The following DMRT1 variants were observed in gnomAD, a reference collection of about 807,000 sequenced individuals.
DMRT1 encodes doublesex- and mab-3-related transcription factor 1.
Under a neutral mutation model 32.3 loss-of-function variants are expected in DMRT1, and 7 were observed. The observed-to-expected ratio is 0.22, with a 90% CI of 0.12 to 0.41. The LOEUF (loss-of-function observed/expected upper bound fraction) is 0.41. DMRT1 is among the 10% of genes least tolerant of loss of function. The pLI, the probability that DMRT1 is intolerant of heterozygous loss-of-function variation, is 1.00. For synonymous variants in DMRT1, 278 were observed against 206.1 expected, an observed-to-expected ratio of 1.35 and a Z score of -2.99; for missense variants, 625 against 500.5, an observed-to-expected ratio of 1.25 and a Z score of -2.37.
intron 4 of DMRT1, among the ~76,000 whole-genome samples, chr9:942,020 A>G (rs1292321098): frequency 2.6e-5 from 4 of 152,204 alleles, no homozygotes; most frequent in South Asian, 4.1e-4. Context: ...ATGTTGTTAT[A>G]TCATGGTTAT....
At chr9:967,662 G>C (rs1819972256) in intron 4 of DMRT1, among the ~76,000 whole-genome samples, 1 of 152,174 alleles carries the variant, frequency 6.6e-6, no homozygotes, top group Non-Finnish European at 1.5e-5. Context: ...AAGGGGAGGA[G>C]TCCGGTGAAG....
At chr9:944,424 T>C (rs1467360837) in intron 4 of DMRT1, among the ~76,000 whole-genome samples, 1 of 152,190 alleles carries the variant, frequency 6.6e-6, no homozygotes, top group Non-Finnish European at 1.5e-5. Context: ...TAAACACATA[T>C]ACAATTTTCA....
At chr9:933,739 A>G (rs1818799099) in intron 4 of DMRT1, among the ~76,000 whole-genome samples, 3 of 152,188 alleles carry the variant, frequency 2.0e-5, no homozygotes, top group Non-Finnish European at 2.9e-5. Context: ...GGCTAGTTAT[A>G]TCGTATTGGA....
intron 4 of DMRT1, among the ~76,000 whole-genome samples, chr9:964,503 T>C (rs1183115865): frequency 1.3e-5 from 2 of 152,128 alleles, no homozygotes; most frequent in Non-Finnish European, 2.9e-5. Context: ...AAGTTTTCCT[T>C]TTTTCTTTTC....
At chr9:880,638 A>G (rs1190371205) in intron 2 of DMRT1, among the ~76,000 whole-genome samples, 1 of 148,682 alleles carries the variant, frequency 6.7e-6, no homozygotes, top group East Asian at 2.0e-4. Context: ...AGGCAGGAGA[A>G]TTGCTTGAAC....
At chr9:874,153 GTA>G (rs978880012) in intron 2 of DMRT1, among the ~76,000 whole-genome samples, 1 of 152,182 alleles carries the variant, frequency 6.6e-6, no homozygotes, top group African/African-American at 2.4e-5. Context: ...CTCCTCATGT[GTA>G]TGATTCTCTT....
At chr9:909,448 T>C (rs1817894669) in intron 3 of DMRT1, among the ~76,000 whole-genome samples, 1 of 152,168 alleles carries the variant, frequency 6.6e-6, no homozygotes, top group African/African-American at 2.4e-5. Context: ...GTTCACGGTG[T>C]GTGCTTAGGT....
chr9:938,369 T>C (rs2074248570), intron 4 of DMRT1, among the ~76,000 whole-genome samples: 1 of 152,246 alleles, frequency 6.6e-6, no homozygotes, highest in South Asian at 2.1e-4. Context: ...TTGGGTACTA[T>C]TGTCATCTTA....
chr9:937,423 C>G, intron 4 of DMRT1, among the ~76,000 whole-genome samples: 1 of 152,214 alleles, frequency 6.6e-6, no homozygotes, highest in Non-Finnish European at 1.5e-5. Flanking sequence ...AACTGCCAAA[C>G]TGGTTTCCAC....
chr9:926,212 C>T (rs372145281), intron 4 of DMRT1, among the ~76,000 whole-genome samples: 10 of 152,286 alleles, frequency 6.6e-5, no homozygotes, highest in African/African-American at 2.4e-4. Flanking sequence ...TCAGTATAAA[C>T]TTTAAGATAC....
At chr9:948,559 A>G (rs909943495) in intron 4 of DMRT1, among the ~76,000 whole-genome samples, 1 of 151,992 alleles carries the variant, frequency 6.6e-6, no homozygotes, top group African/African-American at 2.4e-5. Flanking sequence ...GGGACAGACC[A>G]TCCTTCCCCT....
chr9:847,408 A>T (rs1381838444), intron 2 of DMRT1, among the ~76,000 whole-genome samples: 1 of 152,192 alleles, frequency 6.6e-6, no homozygotes, highest in Non-Finnish European at 1.5e-5. Context: ...GAGAGGTGAG[A>T]TTGTTCAGAT....
Position 917,047 on chromosome 9 carries a change from CT to C in DMRT1, c.967+143del. 9 of 939,932 alleles carry C rather than the reference CT, an allele frequency of 9.6e-6. No homozygotes were observed. In the South Asian group the frequency reaches 1.2e-4, roughly 13 times the overall value. The allele number at this position is 939,932 out of a possible 1,614,324, so 58.2% of individuals were successfully genotyped here. On this transcript the variant is annotated intron_variant, in intron 4 of 4. Transcript: ENST00000382276. ...GCTGTGTGAAGCTTGGATAAGTATC[CT>C]TTAAAGAATTTAGTTATAAAATGAC...
intron 2 of DMRT1, among the ~76,000 whole-genome samples, chr9:883,808 G>A (rs1457670018): frequency 2.0e-5 from 3 of 150,942 alleles, no homozygotes; most frequent in Admixed American, 6.6e-5. Context: ...AAAAAAAAAT[G>A]GGGAAAACAA....
At chr9:879,524 C>G (rs958124102) in intron 2 of DMRT1, among the ~76,000 whole-genome samples, 2 of 152,146 alleles carry the variant, frequency 1.3e-5, no homozygotes, top group Non-Finnish European at 2.9e-5. Context: ...GAAGAAAATT[C>G]AGCTTCACGT....
At chr9:842,433 A>T in intron 1 of DMRT1, 1 of 561,868 alleles carries the variant, frequency 1.8e-6, no homozygotes, top group Non-Finnish European at 3.1e-6. Context: ...CGGGGGTTTC[A>T]CCATATTGGT....
intron 3 of DMRT1, among the ~76,000 whole-genome samples, chr9:902,220 T>C (rs1203799856): frequency 6.6e-6 from 1 of 151,826 alleles, no homozygotes; most frequent in Non-Finnish European, 1.5e-5. Flanking sequence ...CTTTTCAACT[T>C]TTTAAAACAT....
chr9:853,426 A>G (rs1815247366), intron 2 of DMRT1, among the ~76,000 whole-genome samples: 1 of 151,458 alleles, frequency 6.6e-6, no homozygotes. Context: ...AACATTTTAG[A>G]GTTTTTTGCA....
At chr9:913,972 A>G (rs895141199) in intron 3 of DMRT1, among the ~76,000 whole-genome samples, 1 of 152,140 alleles carries the variant, frequency 6.6e-6, no homozygotes, top group South Asian at 2.1e-4. Flanking sequence ...CACGTATTCT[A>G]GTCCCTGGGC....
Sources: gnomAD v4.1 joint callset for allele counts (sites outside exome capture counted in the v4.1 genomes callset) on GRCh38, gnomAD v4.1.1 for gene constraint, MANE v1.5 for transcripts, NCBI Gene and HGNC (gene_info 2026-07-23, HGNC 2026-07-21) for gene names.